Variants in ITGB8 observed in about 807,000 individuals in gnomAD.
ITGB8 encodes integrin subunit beta 8, also known as integrin beta-8.
ITGB8 carries 30 observed loss-of-function variants against 89.5 expected under a neutral mutation model. That is an observed-to-expected ratio of 0.34 (90% confidence interval 0.25 to 0.45). ITGB8 has a LOEUF of 0.45. ITGB8 is among the 20% of genes least tolerant of loss of function. The pLI, the probability that ITGB8 is intolerant of heterozygous loss-of-function variation, is 1.00. For synonymous variants in ITGB8, 335 were observed against 320.4 expected (o/e 1.05, Z -0.49); for missense variants, 836 against 933.3 (o/e 0.90, Z 1.36).
intron 3 of ITGB8, among the ~76,000 whole-genome samples, chr7:20,367,810 C>T (rs983769507): frequency 9.2e-5 from 14 of 152,160 alleles, no homozygotes; most frequent in African/African-American, 3.4e-4. Flanking sequence ...CCCCTTCCTT[C>T]ACAGTGTATT....
intron 8 of ITGB8, among the ~76,000 whole-genome samples, chr7:20,395,568 C>G (rs910583970): frequency 6.6e-6 from 1 of 152,306 alleles, no homozygotes; most frequent in African/African-American, 2.4e-5. Context: ...GAGTGAATGC[C>G]TCAATGCAAA....
Position 20,333,681 on chromosome 7 carries a change from A to G in ITGB8, c.127+1748A>G, listed in dbSNP as rs1046758144. 3.3e-5 allele frequency among the ~76,000 whole-genome samples: 5 copies of G among 152,196 alleles called. No homozygotes were observed. The South Asian group carries it at 8.3e-4, about 25-fold the overall frequency. ...AACTGATTTGAAGGAAATATTATGA[A>G]TGGGCCTACTTGCACCTGCAGACCT... On this transcript the variant is annotated intron_variant, in intron 1 of 13. Transcript: ENST00000222573.
At chr7:20,357,762 G>A (rs1785348246) in intron 1 of ITGB8, among the ~76,000 whole-genome samples, 1 of 152,140 alleles carries the variant, frequency 6.6e-6, no homozygotes, top group Non-Finnish European at 1.5e-5. Context: ...TTTCCTCCCA[G>A]TAACTATTTA....
chr7:20,359,889 A>G (rs939547423), intron 1 of ITGB8, among the ~76,000 whole-genome samples: 4 of 152,162 alleles, frequency 2.6e-5, no homozygotes, highest in Non-Finnish European at 5.9e-5. Flanking sequence ...GTGAAGTATA[A>G]CCATGACACT....
At chr7:20,386,010 G>A (rs1278162052) in intron 6 of ITGB8, among the ~76,000 whole-genome samples, 1 of 152,158 alleles carries the variant, frequency 6.6e-6, no homozygotes, top group Non-Finnish European at 1.5e-5. Flanking sequence ...TTCTACTTCA[G>A]AAAATGTTAA....
chr7:20,365,956 A>G (rs1488221883), intron 2 of ITGB8: 1 of 151,898 alleles, frequency 6.6e-6, no homozygotes, highest in African/African-American at 2.4e-5. Flanking sequence ...CCTGGCTTGA[A>G]TAATTTTCAA....
intron 1 of ITGB8, among the ~76,000 whole-genome samples, chr7:20,357,959 GTGTTT>G (rs1277474264): frequency 6.6e-6 from 1 of 151,978 alleles, no homozygotes; most frequent in Non-Finnish European, 1.5e-5. Context: ...TTGTTGTTTT[GTGTTT>G]TGTTTTGTTT....
chr7:20,377,806 AT>A (rs1203380288), intron 3 of ITGB8, among the ~76,000 whole-genome samples: 61 of 152,212 alleles, frequency 4.0e-4, no homozygotes, highest in African/African-American at 1.4e-3. Context: ...CATAATTATT[AT>A]TATATACCAG....
At chr7:20,390,315 C>T (rs2127971954) in intron 6 of ITGB8, among the ~76,000 whole-genome samples, 1 of 152,246 alleles carries the variant, frequency 6.6e-6, no homozygotes, top group South Asian at 2.1e-4. Flanking sequence ...TGAACTTTAA[C>T]ATCATCTCTC....
chr7:20,392,854 G>A (rs1272589381), intron 7 of ITGB8, among the ~76,000 whole-genome samples: 1 of 152,068 alleles, frequency 6.6e-6, no homozygotes, highest in Non-Finnish European at 1.5e-5. Flanking sequence ...ACTTTTTAAG[G>A]TAACAACAAA....
At chr7:20,384,464 A>G (rs558722825) in intron 6 of ITGB8, among the ~76,000 whole-genome samples, 10 of 152,366 alleles carry the variant, frequency 6.6e-5, no homozygotes, top group African/African-American at 2.4e-4. Context: ...TATGTATTCA[A>G]CTGAAAGCAC....
chr7:20,399,083 TTACTTAC>T, intron 9 of ITGB8, 89 bp downstream of exon 9: 1 of 1,346,056 alleles, frequency 7.4e-7, no homozygotes. Flanking sequence ...CTGAAAAATT[TTACTTAC>T]TACTGACTCT....
At chr7:20,333,117 C>T (rs983972452) in intron 1 of ITGB8, among the ~76,000 whole-genome samples, 2 of 152,016 alleles carry the variant, frequency 1.3e-5, no homozygotes, top group Admixed American at 1.3e-4. Context: ...ACAGTCAAAT[C>T]ATAACCTTAT....
intron 6 of ITGB8, among the ~76,000 whole-genome samples, chr7:20,385,461 C>G (rs1315832562): frequency 6.6e-6 from 1 of 152,186 alleles, no homozygotes; most frequent in Non-Finnish European, 1.5e-5. Flanking sequence ...TATACCTCCT[C>G]AGAATCCCCT....
chr7:20,362,368 GCACA>G (rs1448785999), intron 1 of ITGB8, among the ~76,000 whole-genome samples: 1 of 152,182 alleles, frequency 6.6e-6, no homozygotes, highest in Non-Finnish European at 1.5e-5. Context: ...GTGTGCACAT[GCACA>G]CAGTTTTCTT....
At chr7:20,363,388 A>T (rs964438900) in intron 1 of ITGB8, among the ~76,000 whole-genome samples, 3 of 152,122 alleles carry the variant, frequency 2.0e-5, no homozygotes, top group African/African-American at 7.2e-5. Context: ...CCAAAATCAG[A>T]TTTTTGTCAC....
chr7:20,380,599 C>A, intron 4 of ITGB8, 67 bp from the exon 5 acceptor site: 1 of 1,279,586 alleles, frequency 7.8e-7, no homozygotes, highest in Non-Finnish European at 1.1e-6. Flanking sequence ...TACAATTTTA[C>A]TGTTAAGTAT....
intron 1 of ITGB8, among the ~76,000 whole-genome samples, chr7:20,358,343 A>G (rs563552929): frequency 1.3e-5 from 2 of 152,170 alleles, no homozygotes; most frequent in African/African-American, 4.8e-5. Context: ...TGGTACAGTT[A>G]TACTTCTAAA....
At chr7:20,375,327 C>A (rs1465527475) in intron 3 of ITGB8, among the ~76,000 whole-genome samples, 2 of 151,024 alleles carry the variant, frequency 1.3e-5, no homozygotes, top group African/African-American at 2.4e-5. Flanking sequence ...GAAAAAAGAC[C>A]TAAAATTGGT....
Sources: allele counts gnomAD v4.1 joint callset (sites outside exome capture counted in the v4.1 genomes callset), GRCh38; gene constraint gnomAD v4.1.1; transcripts MANE v1.5; gene names NCBI Gene and HGNC (gene_info 2026-07-23, HGNC 2026-07-21).